The following USP13 variants were observed in gnomAD, a reference collection of about 807,000 sequenced individuals.
The protein encoded by USP13 is ubiquitin specific peptidase 13.
Under a neutral mutation model 107.8 loss-of-function variants are expected in USP13, and 68 were observed. The ratio of observed to expected loss-of-function variants is 0.63; its 90% CI spans 0.52 to 0.77. USP13 has a LOEUF of 0.77. Ranked by LOEUF, USP13 falls within the 30% of genes least tolerant of loss-of-function variation. The pLI is 0.00. For synonymous variants in USP13, 377 were observed against 389.5 expected, an observed-to-expected ratio of 0.97 and a Z score of 0.38; for missense variants, 945 against 1,093.3, an observed-to-expected ratio of 0.86 and a Z score of 1.91.
At chr3:179,772,626 G>T (rs1370669191) in intron 19 of USP13, among the ~76,000 whole-genome samples, 3 of 152,238 alleles carry the variant, frequency 2.0e-5, no homozygotes, top group Non-Finnish European at 2.9e-5. Flanking sequence ...TGCCACTGGT[G>T]CTAATTCTCC....
chr3:179,693,320 A>C (rs1260514970), intron 3 of USP13, among the ~76,000 whole-genome samples: 1 of 151,694 alleles, frequency 6.6e-6, no homozygotes, highest in Admixed American at 6.6e-5. Flanking sequence ...GGTTAATTAA[A>C]AAAAATTTTT....
chr3:179,787,300 CCACT>C lies in USP13; in HGVS notation c.*3161_*3164del, dbSNP rs1284218641. The stretch of plus-strand genomic sequence containing the variant: ...GAGCACCTGGGTCTGTATCCTGACT[CCACT>C]CTAAGTGAGGTGGGACTGAATCACT... On this transcript the variant is annotated 3_prime_UTR_variant, in exon 21 of 21. Coordinates refer to ENST00000263966, the MANE Select transcript of USP13 (RefSeq NM_003940.3). 1 of 152,266 alleles carries C rather than the reference CCACT, an allele frequency of 6.6e-6. No homozygotes were observed. Among genetic ancestry groups the C allele is most frequent in the African/African-American group, 2.4e-5 (1 of 41,468 alleles). 9.4% of individuals were successfully genotyped at this position (152,266 alleles called of 1,614,324 possible).
chr3:179,701,912 A>G (rs1410212264), intron 4 of USP13, among the ~76,000 whole-genome samples: 1 of 152,160 alleles, frequency 6.6e-6, no homozygotes, highest in Non-Finnish European at 1.5e-5. Flanking sequence ...GTGGGCGCAG[A>G]GTTCCTGTGG....
chr3:179,746,850 C>A (rs1227678622), intron 13 of USP13, among the ~76,000 whole-genome samples: 1 of 152,222 alleles, frequency 6.6e-6, no homozygotes, highest in African/African-American at 2.4e-5. Flanking sequence ...CAGGCATGAA[C>A]CACCATGTCC....
intron 2 of USP13, among the ~76,000 whole-genome samples, chr3:179,687,534 C>T (rs1230341653): frequency 1.3e-5 from 2 of 151,594 alleles, no homozygotes; most frequent in Non-Finnish European, 2.9e-5. Flanking sequence ...TGGCGCATGC[C>T]TGTAGTCCCA....
chr3:179,700,035 A>C lies in USP13; in HGVS notation c.356-973A>C, dbSNP rs1046803600. On this transcript the variant is annotated intron_variant, in intron 3 of 20. Transcript: ENST00000263966. ...GTGGAATAGCTAGCTCTTTGTCACC[A>C]TAGTTCCAAGCATAAATATACAAAC... Among the ~76,000 whole-genome samples, 36 of 152,124 alleles carry C rather than the reference A, an allele frequency of 2.4e-4. 1 individual carries two copies. The highest frequency in any genetic ancestry group is 4.6e-4 in the Admixed American group (7 of 15,264).
chr3:179,701,138 G>A lies in USP13; in HGVS notation c.477+9G>A. On this transcript the variant is annotated intron_variant, in intron 4 of 20. Coordinates refer to ENST00000263966, the MANE Select transcript of USP13 (RefSeq NM_003940.3). ...AGGAGTTACCAGCCCTGGTCAGTGA[G>A]TGTGCACGGCTGCTAGCTAGATGCG... The A allele has an allele frequency of 6.3e-7, 1 of 1,594,676 alleles. No individual in the cohort carries two copies. Among genetic ancestry groups the A allele is most frequent in the Non-Finnish European group, 8.6e-7 (1 of 1,168,178 alleles).
chr3:179,741,600 A>G (rs6443669), intron 11 of USP13, among the ~76,000 whole-genome samples: 118,833 of 151,938 alleles, frequency 0.78, 46,857 homozygotes, highest in East Asian at 0.93. Flanking sequence ...CAGATGATCC[A>G]CCCGCCTCCG....
At chr3:179,668,439 A>G (rs1467069916) in intron 1 of USP13, among the ~76,000 whole-genome samples, 2 of 152,212 alleles carry the variant, frequency 1.3e-5, no homozygotes, top group African/African-American at 4.8e-5. Flanking sequence ...CATTTACTTC[A>G]ATGGATCTGC....
chr3:179,740,754 G>A (rs947300463), intron 11 of USP13, among the ~76,000 whole-genome samples: 4 of 151,744 alleles, frequency 2.6e-5, no homozygotes, highest in Admixed American at 6.6e-5. Context: ...CATCAGAATC[G>A]AATGCCATTA....
In USP13 at chr3:179,690,313, T is replaced by G; in HGVS notation, c.355+12T>G. The G allele has an allele frequency of 6.2e-7, 1 of 1,612,852 alleles. No individual in the cohort carries two copies. Among genetic ancestry groups the G allele is most frequent in the Non-Finnish European group, 8.5e-7 (1 of 1,178,980 alleles). On this transcript the variant is annotated intron_variant, in intron 3 of 20. Coordinates refer to ENST00000263966, the MANE Select transcript of USP13 (RefSeq NM_003940.3). ...CAAGATTTTTTTAGGTAAATAGTTA[T>G]CAGTAGCATGCTCAGATTTTGTGTT...
chr3:179,670,111 C>T (rs1282134805), intron 1 of USP13, among the ~76,000 whole-genome samples: 1 of 152,204 alleles, frequency 6.6e-6, no homozygotes, highest in Non-Finnish European at 1.5e-5. Flanking sequence ...TTTGCACATG[C>T]TTTTGCATCT....
chr3:179,737,387 G>C (rs1408389805), intron 10 of USP13, among the ~76,000 whole-genome samples: 2 of 152,304 alleles, frequency 1.3e-5, no homozygotes, highest in African/African-American at 4.8e-5. Context: ...CACGTAGTCG[G>C]TATTCATCCA....
At chr3:179,660,258 T>A (rs756413032) in intron 1 of USP13, among the ~76,000 whole-genome samples, 9 of 152,218 alleles carry the variant, frequency 5.9e-5, no homozygotes. Flanking sequence ...TGAAACTCTG[T>A]ATCCATTTGA....
intron 1 of USP13, among the ~76,000 whole-genome samples, chr3:179,658,541 T>C (rs1477948555): frequency 6.6e-6 from 1 of 152,204 alleles, no homozygotes; most frequent in Non-Finnish European, 1.5e-5. Flanking sequence ...TTTGGAAAGT[T>C]ATCCCAGGGA....
intron 4 of USP13, among the ~76,000 whole-genome samples, chr3:179,706,567 A>T (rs558201051): frequency 6.6e-6 from 1 of 152,368 alleles, no homozygotes; most frequent in East Asian, 1.9e-4. Context: ...TGAGGAAAAC[A>T]CACCACTTGG....
chr3:179,772,880 C>T (rs1415410880), intron 19 of USP13, among the ~76,000 whole-genome samples: 1 of 152,152 alleles, frequency 6.6e-6, no homozygotes, highest in Non-Finnish European at 1.5e-5. Context: ...CTATCAGCTG[C>T]CTTCCGATGT....
At chr3:179,666,664 G>A (rs532975213) in intron 1 of USP13, among the ~76,000 whole-genome samples, 2 of 152,296 alleles carry the variant, frequency 1.3e-5, no homozygotes, top group African/African-American at 4.8e-5. Flanking sequence ...AGCTTGGCAG[G>A]GTGCCTGGCA....
intron 10 of USP13, among the ~76,000 whole-genome samples, chr3:179,738,233 G>T (rs1714062094): frequency 6.6e-6 from 1 of 152,216 alleles, no homozygotes; most frequent in African/African-American, 2.4e-5. Context: ...GAGGAATATG[G>T]TCTGCAAGCT....
Sources: allele counts gnomAD v4.1 joint callset (sites outside exome capture counted in the v4.1 genomes callset), GRCh38; gene constraint gnomAD v4.1.1; transcripts MANE v1.5; gene names NCBI Gene and HGNC (gene_info 2026-07-23, HGNC 2026-07-21).